The following CD4 variants were observed in gnomAD, a reference collection of about 807,000 sequenced individuals.
CD4 encodes the protein T-cell surface glycoprotein CD4.
CD4 carries 25 observed loss-of-function variants against 50.5 expected under a neutral mutation model. The ratio of observed to expected loss-of-function variants is 0.49; its 90% CI spans 0.36 to 0.69. The LOEUF (loss-of-function observed/expected upper bound fraction) is 0.69. Ranked by LOEUF, CD4 falls within the 30% of genes least tolerant of loss-of-function variation. CD4 has a pLI of 0.00. For synonymous variants in CD4, 207 were observed against 221.9 expected, an observed-to-expected ratio of 0.93 and a Z score of 0.60; for missense variants, 456 against 548.5, an observed-to-expected ratio of 0.83 and a Z score of 1.68.
chr12:6,799,267 A>G (rs1555114813), intron 1 of CD4: 1 of 152,214 alleles, frequency 6.6e-6, no homozygotes, highest in Non-Finnish European at 1.5e-5. Flanking sequence ...TGGTATCAGC[A>G]TCACTTTGCT....
intron 3 of CD4, among the ~76,000 whole-genome samples, chr12:6,806,156 T>TAC (rs56979845): frequency 0.048 from 5,164 of 107,360 alleles, 210 homozygotes; most frequent in African/African-American, 0.099. Context: ...AAAAGGTACA[T>TAC]ACACACACAC....
At chr12:6,801,707 T>C (rs1314130128) in intron 3 of CD4, among the ~76,000 whole-genome samples, 4 of 149,544 alleles carry the variant, frequency 2.7e-5, no homozygotes, top group African/African-American at 4.9e-5. Context: ...ACTACAGGCG[T>C]ATGCCACCAT....
Position 6,819,600 on chromosome 12 carries a change from C to A in CD4, c.*271C>A. The A allele has an allele frequency of 2.0e-6, 1 of 512,598 alleles. No homozygotes were observed. Among genetic ancestry groups the A allele is most frequent in the Non-Finnish European group, 3.5e-6 (1 of 283,224 alleles). The allele number at this position is 512,598 out of a possible 1,614,324, so 31.8% of individuals were successfully genotyped here. On this transcript the variant is annotated 3_prime_UTR_variant, in exon 10 of 10. Coordinates refer to ENST00000011653, the MANE Select transcript of CD4 (RefSeq NM_000616.5). ...TCTCATTATTTCTCTCTGACCCTCT[C>A]CCCACTGCTCATTTGGATCCCAGGG...
intron 9 of CD4, 115 bp downstream of exon 9, chr12:6,819,029 A>G: frequency 1.5e-6 from 1 of 656,580 alleles, no homozygotes; most frequent in African/African-American, 1.9e-5. Flanking sequence ...GAGAGGAGGA[A>G]GGAGTTGAGG....
At chr12:6,810,378 G>A (rs982261372) in intron 3 of CD4, among the ~76,000 whole-genome samples, 24 of 152,340 alleles carry the variant, frequency 1.6e-4, no homozygotes, top group Middle Eastern at 3.4e-3. Flanking sequence ...TTTAGGAGGA[G>A]GGTTATACAT....
At chr12:6,800,002 G>T (rs1346976772) in intron 1 of CD4, 70 bp from the exon 2 acceptor site, 30 of 749,710 alleles carry the variant, frequency 4.0e-5, no homozygotes, top group Non-Finnish European at 6.0e-5. Context: ...TGAGGGAGAG[G>T]TTGTGTATCG....
Position 6,814,270 on chromosome 12 carries a change from AAGG to A in CD4, c.350_352del (p.Glu117del), listed in dbSNP as rs1943025177. 1.2e-6 allele frequency: 2 copies of A among 1,613,842 alleles called. No individual in the cohort carries two copies. The highest frequency in any genetic ancestry group is 2.2e-5 in the East Asian group (1 of 44,890). ...TTACATCTGTGAAGTGGAGGACCAG[AAGG>A]AGGAGGTGCAATTGCTAGTGTTCGG... On this transcript the variant is annotated inframe_deletion, in exon 4 of 10. Transcript: ENST00000011653.
In CD4 at chr12:6,815,941, T is replaced by A. The variant is rs11575102; in HGVS notation, c.608-115T>A. 1.6e-5 allele frequency: 25 copies of A among 1,533,568 alleles called. No individual in the cohort carries two copies. The Admixed American group carries it at 3.7e-4, about 23-fold the overall frequency. The allele number at this position is 1,533,568 out of a possible 1,614,324, so 95.0% of individuals were successfully genotyped here. Reference sequence around the variant, plus strand: ...GAAGTATCTGAAGTGACAAGGTGGGTGTCTGGACTCGTCGGGTCCCCTTCC... The same window carrying A: ...GAAGTATCTGAAGTGACAAGGTGGGAGTCTGGACTCGTCGGGTCCCCTTCC... On this transcript the variant is annotated intron_variant, in intron 5 of 9. Coordinates refer to ENST00000011653, the MANE Select transcript of CD4 (RefSeq NM_000616.5).
chr12:6,793,676 C>A (rs1942247212), intron 1 of CD4, among the ~76,000 whole-genome samples: 1 of 95,538 alleles, frequency 1.0e-5, no homozygotes, highest in Non-Finnish European at 2.1e-5. Flanking sequence ...ATCTATCTAT[C>A]TATCTATCTA....
intron 3 of CD4, among the ~76,000 whole-genome samples, chr12:6,804,503 T>TA (rs34616852): frequency 3.9e-5 from 6 of 152,166 alleles, no homozygotes; most frequent in Non-Finnish European, 8.8e-5. Flanking sequence ...AAGATAAACA[T>TA]AAAAAATCTA....
chr12:6,808,079 CAAAA>C (rs34876182), intron 3 of CD4, among the ~76,000 whole-genome samples: 5,443 of 70,346 alleles, frequency 0.077, 401 homozygotes, highest in African/African-American at 0.23. Flanking sequence ...GGCTCTTTCT[CAAAA>C]AAAAAAAAAA....
At chr12:6,811,179 T>A (rs1200863415) in intron 3 of CD4, among the ~76,000 whole-genome samples, 2 of 152,156 alleles carry the variant, frequency 1.3e-5, no homozygotes, top group African/African-American at 4.8e-5. Context: ...GCTTTAGTCT[T>A]AGCCACCTTT....
intron 3 of CD4, among the ~76,000 whole-genome samples, chr12:6,807,527 G>A (rs782294106): frequency 6.6e-6 from 1 of 152,138 alleles, no homozygotes; most frequent in South Asian, 2.1e-4. Context: ...TTATAGAAAT[G>A]GAGAACAGAT....
At chr12:6,802,908 A>AT (rs1249521051) in intron 3 of CD4, among the ~76,000 whole-genome samples, 3 of 150,670 alleles carry the variant, frequency 2.0e-5, no homozygotes, top group African/African-American at 4.9e-5. Context: ...TAACTTTTTT[A>AT]TTTTTTTATT....
At position 6,818,755 on chromosome 12, in the gene CD4, C is replaced by T; in HGVS notation, c.1279-92C>T. 7.9e-7 allele frequency: 1 copy of T among 1,271,914 alleles called. No individual in the cohort carries two copies. Among genetic ancestry groups the T allele is most frequent in the South Asian group, 1.2e-5 (1 of 83,418 alleles). 78.8% of individuals were successfully genotyped at this position (1,271,914 alleles called of 1,614,324 possible). On this transcript the variant is annotated intron_variant, in intron 8 of 9. Transcript: ENST00000011653. The surrounding 1 kb of genome is among the most constrained non-coding windows in gnomAD (Gnocchi z 5.0). ...TGGCCTGGGCCATGTAACTGCTTCTCCTGTCGCAGCTTCCCCCACTCCCCC... is the reference window on the plus strand; with the variant it reads ...TGGCCTGGGCCATGTAACTGCTTCTTCTGTCGCAGCTTCCCCCACTCCCCC...
chr12:6,813,979 A>G, intron 3 of CD4, 163 bp from the exon 4 acceptor site: 1 of 640,214 alleles, frequency 1.6e-6, no homozygotes. Flanking sequence ...GTAAATGGAT[A>G]TGATGAGACC....
rs1169291184 is a variant in CD4, at chr12:6,792,901, G to A, written c.-68+3239G>A. The stretch of plus-strand genomic sequence containing the variant: ...AGGGAGCTGCAGGCTGGGGGCATAA[G>A]CTGGGGGCTGGGAAGCATAGATACA... On this transcript the variant is annotated intron_variant, in intron 1 of 9. Coordinates refer to ENST00000011653, the MANE Select transcript of CD4 (RefSeq NM_000616.5). The surrounding 1 kb of genome is among the most constrained non-coding windows in gnomAD (Gnocchi z 4.1). Among the ~76,000 whole-genome samples the A allele has an allele frequency of 6.6e-6, 1 of 152,150 alleles. No individual in the cohort carries two copies. The highest frequency in any genetic ancestry group is 1.5e-5 in the Non-Finnish European group (1 of 68,034).
Position 6,817,478 on chromosome 12 carries a change from G to T in CD4, c.1156+148G>T, listed in dbSNP as rs1462557557. ...TCTGTGGTCCCAGGGTGCTTTGGAG[G>T]CCCCAAAAGGAGGCATAGAAGTGAT... On this transcript the variant is annotated intron_variant, in intron 7 of 9. Coordinates refer to ENST00000011653, the MANE Select transcript of CD4 (RefSeq NM_000616.5). 6.0e-6 allele frequency: 4 copies of T among 669,636 alleles called. No homozygotes were observed. In the African/African-American group the frequency reaches 7.2e-5, roughly 12 times the overall value. The allele number at this position is 669,636 out of a possible 1,614,324, so 41.5% of individuals were successfully genotyped here. A position where few individuals can be genotyped will look rare whatever the true frequency, so the allele number is the denominator to read the frequency against.
Position 6,792,153 on chromosome 12 carries a change from C to T in CD4, c.-68+2491C>T, listed in dbSNP as rs1330702055. 1.3e-5 allele frequency among the ~76,000 whole-genome samples: 2 copies of T among 152,074 alleles called. No individual in the cohort carries two copies. Among genetic ancestry groups the T allele is most frequent in the South Asian group, 2.1e-4 (1 of 4,820 alleles). The stretch of plus-strand genomic sequence containing the variant: ...GGTGAACGCGGTGGGGCACATCCCG[C>T]GGCTGGGCTTGAGTGGGCTGCTTGG... On this transcript the variant is annotated intron_variant, in intron 1 of 9. Transcript: ENST00000011653. This position sits in a 1 kb window ranked among gnomAD's most constrained non-coding sequence, Gnocchi z 4.1.
Sources: allele counts gnomAD v4.1 joint callset (sites outside exome capture counted in the v4.1 genomes callset), GRCh38; gene constraint gnomAD v4.1.1; non-coding constraint Gnocchi (gnomAD v3.1); transcripts MANE v1.5; gene names NCBI Gene and HGNC (gene_info 2026-07-23, HGNC 2026-07-21).